PTPN12: variants seen among roughly 807,000 people sequenced by gnomAD.
PTPN12 encodes the protein tyrosine-protein phosphatase non-receptor type 12.
In PTPN12, 29 loss-of-function variants were observed where a neutral mutation model predicts 97.6. That is an observed-to-expected ratio of 0.30 (90% CI 0.22 to 0.41). The LOEUF is 0.41. Among genes scored for constraint, PTPN12 ranks in the 10% least tolerant of loss-of-function variants. PTPN12 has a pLI of 1.00. For missense variants in PTPN12, 819 were observed against 926.0 expected, an observed-to-expected ratio of 0.88 and a Z score of 1.50; for synonymous variants, 327 against 300.4, an observed-to-expected ratio of 1.09 and a Z score of -0.91.
intron 5 of PTPN12, among the ~76,000 whole-genome samples, 153 bp from the exon 6 acceptor site, chr7:77,592,032 T>C (rs1787882917): frequency 6.6e-6 from 1 of 152,186 alleles, no homozygotes; most frequent in African/African-American, 2.4e-5. Context: ...AACAACTGGG[T>C]AAATCTAAGC....
At chr7:77,598,293 G>C (rs1283251303) in intron 7 of PTPN12, among the ~76,000 whole-genome samples, 1 of 152,180 alleles carries the variant, frequency 6.6e-6, no homozygotes, top group African/African-American at 2.4e-5. Flanking sequence ...CTATTGGGTA[G>C]TATGCTCACT....
intron 12 of PTPN12, among the ~76,000 whole-genome samples, chr7:77,624,117 C>T (rs1000577842): frequency 1.3e-5 from 2 of 151,982 alleles, no homozygotes; most frequent in African/African-American, 4.8e-5. Context: ...AAATACAAAA[C>T]TTAGCCAGGT....
intron 2 of PTPN12, among the ~76,000 whole-genome samples, chr7:77,573,119 G>A (rs1396030087): frequency 2.6e-5 from 3 of 116,984 alleles, no homozygotes; most frequent in East Asian, 1.0e-3. Context: ...AAAAACCAGT[G>A]TACCTAGCAC....
intron 12 of PTPN12, among the ~76,000 whole-genome samples, chr7:77,622,439 A>G (rs1383365405): frequency 6.6e-6 from 1 of 152,196 alleles, no homozygotes; most frequent in Non-Finnish European, 1.5e-5. Flanking sequence ...CAACCACGAA[A>G]TAAGAACTGT....
chr7:77,607,531 G>A (rs1441651971), intron 9 of PTPN12, among the ~76,000 whole-genome samples: 2 of 152,154 alleles, frequency 1.3e-5, no homozygotes, highest in Non-Finnish European at 2.9e-5. Flanking sequence ...CCTGGGGCTC[G>A]AGACCAGCCT....
rs930702024 is a variant in PTPN12, at chr7:77,639,786, G to C, written c.*506G>C. The C allele has an allele frequency of 2.6e-5, 4 of 152,732 alleles. No individual in the cohort carries two copies. The highest frequency in any genetic ancestry group is 9.7e-5 in the African/African-American group (4 of 41,446). 9.5% of individuals were successfully genotyped at this position (152,732 alleles called of 1,614,324 possible). On this transcript the variant is annotated 3_prime_UTR_variant, in exon 18 of 18. Coordinates refer to ENST00000248594, the MANE Select transcript of PTPN12 (RefSeq NM_002835.4). ...ATTTTAAACTTGCTGGATTCATGCA[G>C]CCAGCTTTGCAGGTTATCAGAGATC...
At chr7:77,590,217 T>A (rs1233025775) in intron 5 of PTPN12, among the ~76,000 whole-genome samples, 1 of 152,218 alleles carries the variant, frequency 6.6e-6, no homozygotes, top group African/African-American at 2.4e-5. Context: ...GTTTTTGATA[T>A]CATTATTAGT....
rs375382512 is a variant in PTPN12 at position 77,637,830 on chromosome 7, C to A, written c.2173+782C>A. Among the ~76,000 whole-genome samples the A allele has an allele frequency of 2.4e-5, 3 of 124,496 alleles. No individual in the cohort carries two copies. In the East Asian group the frequency reaches 8.7e-4, roughly 36 times the overall value. The allele number at this position is 124,496 out of a possible 152,430, so 81.7% of individuals were successfully genotyped here. A position where few individuals can be genotyped will look rare whatever the true frequency, so the allele number is the denominator to read the frequency against. The stretch of plus-strand genomic sequence containing the variant: ...CGAGATTGCGCCATTGCACTCCAAC[C>A]CGGGCAACAAGAGGGAAACTCCGTC... On this transcript the variant is annotated intron_variant, in intron 16 of 17. Transcript: ENST00000248594.
At chr7:77,555,545 C>T (rs575910629) in intron 1 of PTPN12, among the ~76,000 whole-genome samples, 1 of 152,148 alleles carries the variant, frequency 6.6e-6, no homozygotes, top group East Asian at 1.9e-4. Context: ...AGATTCTTTC[C>T]TCAGCCATGT....
At chr7:77,636,932 G>T in intron 15 of PTPN12, 86 bp from the exon 16 acceptor site, 1 of 993,442 alleles carries the variant, frequency 1.0e-6, no homozygotes, top group Non-Finnish European at 1.5e-6. Flanking sequence ...GATTTCTTGG[G>T]ATATATACCC....
chr7:77,598,353 C>T (rs1788086480), intron 7 of PTPN12, among the ~76,000 whole-genome samples: 1 of 152,094 alleles, frequency 6.6e-6, no homozygotes, highest in Non-Finnish European at 1.5e-5. Context: ...ATACAATACA[C>T]CCATGTAAGC....
chr7:77,639,034 ATT>A (rs1789705525), intron 17 of PTPN12, 183 bp from the exon 18 acceptor site: 1 of 639,718 alleles, frequency 1.6e-6, no homozygotes, highest in Admixed American at 3.7e-5. Context: ...AGAAGCAATC[ATT>A]TTCAGTTATT....
At chr7:77,629,180 A>G (rs918426636) in intron 13 of PTPN12, among the ~76,000 whole-genome samples, 2 of 150,054 alleles carry the variant, frequency 1.3e-5, no homozygotes, top group Non-Finnish European at 3.0e-5. Context: ...GGATCTCCTG[A>G]CCTCGTGATC....
intron 1 of PTPN12, among the ~76,000 whole-genome samples, chr7:77,555,946 GTTAT>G (rs1807691659): frequency 1.3e-5 from 2 of 152,138 alleles, no homozygotes; most frequent in South Asian, 4.2e-4. Context: ...TTTCTTTTTG[GTTAT>G]TTCTTTGAAT....
chr7:77,562,185 C>T (rs1413982734), intron 1 of PTPN12, among the ~76,000 whole-genome samples: 3 of 152,166 alleles, frequency 2.0e-5, no homozygotes, highest in Admixed American at 2.0e-4. Context: ...TCCCGAGTAG[C>T]TGGCATTACA....
chr7:77,548,529 G>A (rs1015054100), intron 1 of PTPN12, among the ~76,000 whole-genome samples: 3 of 152,154 alleles, frequency 2.0e-5, no homozygotes, highest in African/African-American at 7.2e-5. Context: ...TACAGGTCTT[G>A]CCATAGAAAG....
Position 77,606,111 on chromosome 7 carries a change from C to T in PTPN12, c.696-1124C>T, listed in dbSNP as rs895558638. On this transcript the variant is annotated intron_variant, in intron 8 of 17. Transcript: ENST00000248594. The stretch of plus-strand genomic sequence containing the variant: ...CTGGGATTGCGTGTGTCTGCCAGCA[C>T]GCCCAGCTAATTATGTGTTTTCAGT... Among the ~76,000 whole-genome samples the T allele has an allele frequency of 1.3e-4, 20 of 152,090 alleles. No homozygotes were observed. In the East Asian group the frequency reaches 3.1e-3, roughly 24 times the overall value.
intron 11 of PTPN12, among the ~76,000 whole-genome samples, chr7:77,614,131 C>G (rs988944174): frequency 2.0e-5 from 3 of 152,122 alleles, no homozygotes; most frequent in African/African-American, 4.8e-5. Flanking sequence ...AGTCCTCCCC[C>G]ACCTCAGCCT....
chr7:77,568,991 T>C (rs1584121509), intron 1 of PTPN12, among the ~76,000 whole-genome samples: 1 of 152,208 alleles, frequency 6.6e-6, no homozygotes, highest in Non-Finnish European at 1.5e-5. Context: ...TTTGTTAATA[T>C]GGAGTAACGA....
Sources: gnomAD v4.1 joint callset for allele counts (sites outside exome capture counted in the v4.1 genomes callset) on GRCh38, gnomAD v4.1.1 for gene constraint, MANE v1.5 for transcripts, NCBI Gene and HGNC (gene_info 2026-07-23, HGNC 2026-07-21) for gene names.